TMEM268: variants seen among roughly 807,000 people sequenced by gnomAD.
TMEM268 encodes the protein transmembrane protein C9orf91.
In TMEM268, 24 loss-of-function variants were observed where a neutral mutation model predicts 39.1. The observed-to-expected ratio is 0.61, with a 90% confidence interval of 0.44 to 0.86. The LOEUF (loss-of-function observed/expected upper bound fraction) is 0.86, where lower values mean the gene tolerates loss of function less well. Among genes scored for constraint, TMEM268 ranks in the 40% least tolerant of loss-of-function variants. The pLI is 0.00. For missense variants in TMEM268, 409 were observed against 428.6 expected (o/e 0.95, Z 0.40); for synonymous variants, 176 against 173.5 (o/e 1.01, Z -0.12).
intron 8 of TMEM268, among the ~76,000 whole-genome samples, 170 bp from the exon 9 acceptor site, chr9:114,642,964 G>C (rs1827419359): frequency 6.6e-6 from 1 of 152,164 alleles, no homozygotes; most frequent in African/African-American, 2.4e-5. Context: ...TTCTGGACCA[G>C]GCTGGCATCT....
chr9:114,634,955 C>A (rs530761437), intron 6 of TMEM268, among the ~76,000 whole-genome samples: 54 of 152,264 alleles, frequency 3.5e-4, no homozygotes, highest in African/African-American at 1.3e-3. Flanking sequence ...TGTGGGGGTC[C>A]TTTTTAGCCT....
At chr9:114,611,025 A>C (rs1230569622), upstream of TMEM268, among the ~76,000 whole-genome samples, 1 of 152,252 alleles carries the variant, frequency 6.6e-6, no homozygotes, top group African/African-American at 2.4e-5. Flanking sequence ...GTCCGATAGC[A>C]GCCTGGGCAA....
At chr9:114,621,715 A>G (rs1845952924) in intron 2 of TMEM268, among the ~76,000 whole-genome samples, 1 of 152,172 alleles carries the variant, frequency 6.6e-6, no homozygotes, top group Non-Finnish European at 1.5e-5. Flanking sequence ...GAAGCTAGGT[A>G]GACGTGTCCT....
At chr9:114,605,416 A>T in the TMEM268 span, among the ~76,000 whole-genome samples, 1 of 151,836 alleles carries the variant, frequency 6.6e-6, no homozygotes, top group Non-Finnish European at 1.5e-5. Flanking sequence ...TTATTGAAAG[A>T]TTTGGCCAGT....
At chr9:114,606,220 T>A (rs1845363128), upstream of TMEM268, among the ~76,000 whole-genome samples, 1 of 152,180 alleles carries the variant, frequency 6.6e-6, no homozygotes, top group South Asian at 2.1e-4. Context: ...TTTCTGTTCA[T>A]AGTGTAGAAA....
chr9:114,643,559 C>T lies in TMEM268; in HGVS notation c.*246C>T. 4 of 494,522 alleles carry T rather than the reference C, an allele frequency of 8.1e-6. No individual in the cohort carries two copies. The highest frequency in any genetic ancestry group is 1.1e-5 in the Non-Finnish European group (3 of 273,814). The allele number at this position is 494,522 out of a possible 1,614,324, so 30.6% of individuals were successfully genotyped here. A position where few individuals can be genotyped will look rare whatever the true frequency, so the allele number is the denominator to read the frequency against. ...GCTGATGGTTACAGAGCTAGTCCCACCAAAGCTACTCTCTCTGCTGCTTAG... is the reference window on the plus strand; with the variant it reads ...GCTGATGGTTACAGAGCTAGTCCCATCAAAGCTACTCTCTCTGCTGCTTAG... On this transcript the variant is annotated 3_prime_UTR_variant, in exon 9 of 9. Coordinates refer to ENST00000288502, the MANE Select transcript of TMEM268 (RefSeq NM_153045.4).
intron 4 of TMEM268, among the ~76,000 whole-genome samples, chr9:114,627,628 C>T (rs1846219317): frequency 6.6e-6 from 1 of 152,136 alleles, no homozygotes; most frequent in African/African-American, 2.4e-5. Flanking sequence ...AGGGTGGGAA[C>T]CAGCATTGAT....
chr9:114,606,900 G>A (rs1845373848), upstream of TMEM268, among the ~76,000 whole-genome samples: 1 of 151,372 alleles, frequency 6.6e-6, no homozygotes, highest in Admixed American at 6.6e-5. Flanking sequence ...TGTAAGTTTT[G>A]ATCTTTTGAT....
chr9:114,605,208 T>C, the TMEM268 span, among the ~76,000 whole-genome samples: 5 of 152,240 alleles, frequency 3.3e-5, no homozygotes, highest in African/African-American at 1.2e-4. Context: ...TTAATTATTT[T>C]TCTCCCCTTG....
At chr9:114,619,526 C>T (rs992459505) in intron 2 of TMEM268, among the ~76,000 whole-genome samples, 5 of 152,316 alleles carry the variant, frequency 3.3e-5, no homozygotes, top group South Asian at 4.1e-4. Flanking sequence ...CAGTGTACAA[C>T]GACCTAGACC....
intron 2 of TMEM268, among the ~76,000 whole-genome samples, chr9:114,621,369 C>A (rs988714750): frequency 1.3e-5 from 2 of 149,752 alleles, no homozygotes; most frequent in Non-Finnish European, 3.0e-5. Context: ...AGAAAAAGAA[C>A]CTTTTCCTAT....
At chr9:114,623,579 C>T (rs1307923528) in intron 2 of TMEM268, among the ~76,000 whole-genome samples, 2 of 152,020 alleles carry the variant, frequency 1.3e-5, no homozygotes, top group African/African-American at 4.8e-5. Flanking sequence ...TTGTCCAGCC[C>T]CTTGGGGCCA....
At chr9:114,621,206 G>A (rs959249082) in intron 2 of TMEM268, among the ~76,000 whole-genome samples, 7 of 151,896 alleles carry the variant, frequency 4.6e-5, no homozygotes, top group African/African-American at 1.7e-4. Flanking sequence ...TTAGCTGAGT[G>A]TGGTGGTGCA....
the TMEM268 span, among the ~76,000 whole-genome samples, chr9:114,605,382 TA>T: frequency 6.6e-6 from 1 of 152,040 alleles, no homozygotes; most frequent in South Asian, 2.1e-4. Context: ...ACATGGGTCT[TA>T]AGAGGCAGGT....
chr9:114,615,967 C>T (rs1386813023), intron 1 of TMEM268, among the ~76,000 whole-genome samples: 1 of 151,664 alleles, frequency 6.6e-6, no homozygotes, highest in African/African-American at 2.4e-5. Context: ...GCTGGGATTA[C>T]AGGCATGAGC....
chr9:114,640,087 A>T (rs750113269), intron 8 of TMEM268, among the ~76,000 whole-genome samples: 7 of 150,446 alleles, frequency 4.7e-5, no homozygotes, highest in Non-Finnish European at 8.9e-5. Flanking sequence ...TGATAACTGT[A>T]TTAACCTCTT....
chr9:114,609,832 G>A (rs766246346), upstream of TMEM268, among the ~76,000 whole-genome samples: 26 of 122,194 alleles, frequency 2.1e-4, no homozygotes, highest in Non-Finnish European at 3.4e-4. Context: ...AAGAAAGAAA[G>A]AGAGAAAGAA....
intron 6 of TMEM268, 112 bp from the exon 7 acceptor site, chr9:114,636,878 C>T: frequency 1.5e-6 from 1 of 682,144 alleles, no homozygotes; most frequent in South Asian, 1.9e-5. Context: ...GTCATGGTGC[C>T]AAATGGCACC....
chr9:114,608,575 T>G (rs1845395809), upstream of TMEM268, among the ~76,000 whole-genome samples: 1 of 152,156 alleles, frequency 6.6e-6, no homozygotes, highest in Admixed American at 6.5e-5. Context: ...GAGGTAGGGT[T>G]TAGATAGATG....
Sources: allele counts gnomAD v4.1 joint callset (sites outside exome capture counted in the v4.1 genomes callset), GRCh38; gene constraint gnomAD v4.1.1; transcripts MANE v1.5; gene names NCBI Gene and HGNC (gene_info 2026-07-23, HGNC 2026-07-21).